The following AEBP2 variants were observed in gnomAD, a reference collection of about 807,000 sequenced individuals.
AEBP2 encodes AE binding protein 2, also known as zinc finger protein AEBP2.
AEBP2 carries 10 observed loss-of-function variants against 50.8 expected under a neutral mutation model. The ratio of observed to expected loss-of-function variants is 0.20; its 90% CI spans 0.12 to 0.33. The LOEUF is 0.33. Ranked by LOEUF, AEBP2 falls within the 10% of genes least tolerant of loss-of-function variation. The pLI is 1.00. For missense variants in AEBP2, 570 were observed against 688.0 expected, an observed-to-expected ratio of 0.83 and a Z score of 1.92; for synonymous variants, 296 against 261.3, an observed-to-expected ratio of 1.13 and a Z score of -1.28.
rs73337375 is a variant in AEBP2 at position 19,469,680 on chromosome 12, C to A, written c.880-3568C>A. Among the ~76,000 whole-genome samples the A allele has an allele frequency of 5.1e-3, 776 of 152,304 alleles. 6 individuals carry two copies. The highest frequency in any genetic ancestry group is 0.014 in the African/African-American group (601 of 41,562). On this transcript the variant is annotated intron_variant, in intron 2 of 7. Coordinates refer to ENST00000266508, the MANE Select transcript of AEBP2 (RefSeq NM_153207.5). ...CCCATACTGGTTTGAAATCTGTCTT[C>A]TAGCCATCATCTTGCCTCAGCCTCC...
intron 5 of AEBP2, among the ~76,000 whole-genome samples, chr12:19,505,354 T>C (rs1174866699): frequency 6.6e-6 from 1 of 152,250 alleles, no homozygotes; most frequent in East Asian, 1.9e-4. Context: ...GATCATTAAA[T>C]ATTGAGCACC....
intron 2 of AEBP2, 22 bp from the exon 3 acceptor site, chr12:19,473,226 A>G: frequency 4.9e-6 from 6 of 1,221,858 alleles, no homozygotes; most frequent in Admixed American, 3.1e-5. Flanking sequence ...GAAAATTAAT[A>G]TGGTTCTGTT....
intron 1 of AEBP2, among the ~76,000 whole-genome samples, chr12:19,418,389 CTTTTTTTTTTT>C (rs372043971): frequency 1.1e-5 from 1 of 94,928 alleles, no homozygotes; most frequent in Non-Finnish European, 2.0e-5. Context: ...CTATGCCTGG[CTTTTTTTTTTT>C]TTTTTTTTTT....
intron 1 of AEBP2, among the ~76,000 whole-genome samples, chr12:19,453,421 A>ACTG (rs1948202183): frequency 2.4e-5 from 3 of 127,606 alleles, no homozygotes; most frequent in South Asian, 2.6e-4. Flanking sequence ...CCTGACCTAT[A>ACTG]TACTTTCTTT....
intron 3 of AEBP2, among the ~76,000 whole-genome samples, chr12:19,489,870 G>GT (rs145319011): frequency 0.12 from 16,453 of 137,232 alleles, 1,101 homozygotes; most frequent in South Asian, 0.22. Flanking sequence ...TTTTACTTCT[G>GT]TTTTTTTTTA....
intron 5 of AEBP2, among the ~76,000 whole-genome samples, chr12:19,503,329 GTGTGTGTGTGTGTGTGTA>G (rs2120534771): frequency 6.8e-6 from 1 of 146,078 alleles, no homozygotes; most frequent in African/African-American, 2.7e-5. Context: ...GTATTCCTTG[GTGTGTGTGTGTGTGTGTA>G]TGTGTGTGTG....
intron 2 of AEBP2, among the ~76,000 whole-genome samples, chr12:19,471,267 C>T (rs951565430): frequency 6.6e-6 from 1 of 151,374 alleles, no homozygotes; most frequent in Admixed American, 6.6e-5. Context: ...CACAGGTGGG[C>T]ACCACCATGC....
chr12:19,438,483 C>A (rs1466753956), upstream of AEBP2, among the ~76,000 whole-genome samples: 1 of 152,192 alleles, frequency 6.6e-6, no homozygotes, highest in African/African-American at 2.4e-5. Context: ...AATCCATCCA[C>A]TGAAGGTCAT....
intron 1 of AEBP2, among the ~76,000 whole-genome samples, chr12:19,422,288 G>A (rs189313650): frequency 1.3e-5 from 2 of 152,066 alleles, no homozygotes; most frequent in Non-Finnish European, 2.9e-5. Flanking sequence ...GTACTAGTGT[G>A]TAAATTAACT....
intron 3 of AEBP2, among the ~76,000 whole-genome samples, chr12:19,491,290 A>G (rs552606763): frequency 1.3e-5 from 2 of 152,192 alleles, no homozygotes; most frequent in African/African-American, 2.4e-5. Flanking sequence ...GATGCAGCCT[A>G]TTTGAGGACC....
chr12:19,508,962 C>G (rs1433485286), intron 5 of AEBP2: 2 of 473,240 alleles, frequency 4.2e-6, no homozygotes, highest in African/African-American at 3.9e-5. Context: ...TCTAACAAAA[C>G]AAGTCTGTCC....
At chr12:19,444,097 A>C (rs1321939112) in intron 1 of AEBP2, among the ~76,000 whole-genome samples, 1 of 152,188 alleles carries the variant, frequency 6.6e-6, no homozygotes, top group Non-Finnish European at 1.5e-5. Context: ...GTGAAGCTGA[A>C]GTACTTTTTA....
intron 7 of AEBP2, among the ~76,000 whole-genome samples, chr12:19,516,147 ATTC>A (rs1177630605): frequency 3.3e-5 from 5 of 152,222 alleles, no homozygotes; most frequent in Non-Finnish European, 7.3e-5. Flanking sequence ...AATAAAACTT[ATTC>A]TTTGTGGAAT....
intron 4 of AEBP2, among the ~76,000 whole-genome samples, chr12:19,497,168 G>A (rs996310438): frequency 2.7e-5 from 4 of 150,728 alleles, no homozygotes; most frequent in African/African-American, 9.8e-5. Flanking sequence ...TACTTTTTTG[G>A]TCATGGACCC....
At chr12:19,481,850 A>AT (rs1281379610) in intron 3 of AEBP2, among the ~76,000 whole-genome samples, 2 of 151,604 alleles carry the variant, frequency 1.3e-5, no homozygotes, top group Non-Finnish European at 2.9e-5. Flanking sequence ...TCTTTATGAT[A>AT]TTTTTTCTCT....
At chr12:19,427,424 T>C (rs1251464594) in intron 1 of AEBP2, among the ~76,000 whole-genome samples, 1 of 150,580 alleles carries the variant, frequency 6.6e-6, no homozygotes, top group African/African-American at 2.4e-5. Context: ...GAACTCTCTC[T>C]GTTCTTGAGG....
chr12:19,491,770 G>C (rs908008839), intron 3 of AEBP2, among the ~76,000 whole-genome samples: 5 of 151,730 alleles, frequency 3.3e-5, no homozygotes, highest in African/African-American at 4.8e-5. Flanking sequence ...AATATACTTA[G>C]TAATATCTAT....
chr12:19,462,743 G>T (rs774100516), intron 2 of AEBP2, 26 bp downstream of exon 2: 1 of 1,551,532 alleles, frequency 6.4e-7, no homozygotes, highest in South Asian at 1.2e-5. Flanking sequence ...TCTTTTTTTC[G>T]CTCCCTGTTT....
At chr12:19,507,028 G>A (rs976879939) in intron 5 of AEBP2, among the ~76,000 whole-genome samples, 3 of 152,230 alleles carry the variant, frequency 2.0e-5, no homozygotes, top group East Asian at 3.9e-4. Context: ...TGTCACTTAG[G>A]CTGATGGCTA....
Sources: allele counts gnomAD v4.1 joint callset (sites outside exome capture counted in the v4.1 genomes callset), GRCh38; gene constraint gnomAD v4.1.1; transcripts MANE v1.5; gene names NCBI Gene and HGNC (gene_info 2026-07-23, HGNC 2026-07-21).